The following GSDMC variants were observed in gnomAD, a reference collection of about 807,000 sequenced individuals.
GSDMC encodes the protein gasdermin C.
Under a neutral mutation model 58.0 loss-of-function variants are expected in GSDMC, and 59 were observed. The ratio of observed to expected loss-of-function variants is 1.02; its 90% confidence interval spans 0.82 to 1.26. GSDMC has a LOEUF of 1.26. Among genes scored for constraint, GSDMC ranks in the 50% most tolerant of loss-of-function variants. The pLI is 0.00. For synonymous variants in GSDMC, 241 were observed against 220.2 expected, an observed-to-expected ratio of 1.09 and a Z score of -0.83; for missense variants, 659 against 598.5, an observed-to-expected ratio of 1.10 and a Z score of -1.06.
In GSDMC at chr8:129,752,098, C is replaced by T; in HGVS notation, c.886+8G>A. ...TGTCCTGGAAGGGGAGGGCCAGATT[C>T]CACTCACTTGGCAAATGCCCGCTCA... On this transcript the variant is annotated splice_region_variant and intron_variant, in intron 8 of 13. Coordinates refer to ENST00000276708, the MANE Select transcript of GSDMC (RefSeq NM_031415.3). 2 of 1,610,990 alleles carry T rather than the reference C, an allele frequency of 1.2e-6. No homozygotes were observed. Among genetic ancestry groups the T allele is most frequent in the Non-Finnish European group, 1.7e-6 (2 of 1,177,180 alleles).
intron 1 of GSDMC, among the ~76,000 whole-genome samples, chr8:129,778,845 C>T (rs1313031922): frequency 1.3e-5 from 2 of 149,628 alleles, no homozygotes; most frequent in Non-Finnish European, 3.0e-5. Context: ...GGCCAACAAT[C>T]GTATAAAAAA....
Position 129,750,552 on chromosome 8 carries a change from T to C in GSDMC, c.962A>G (p.Glu321Gly). 1.2e-6 allele frequency: 2 copies of C among 1,614,026 alleles called. No individual in the cohort carries two copies. The highest frequency in any genetic ancestry group is 1.7e-6 in the Non-Finnish European group (2 of 1,179,926). ...PFWQNFKHLQ[E>G]EVFQKIKTLA... ...TGTCTTTATTTTCTGGAAAACCTCC[T>C]CTTGTAGATGCTTGAAATCTGCTCT... is the stretch of plus-strand genomic sequence containing the variant. Residue 321 changes from glutamate (E) to glycine (G), a missense_variant, in exon 11 of 14, where the codon GAG (glutamate) becomes GGG (glycine). By Grantham distance (98) the Glu-to-Gly change is moderately conservative. Coordinates refer to ENST00000276708, the MANE Select transcript of GSDMC (RefSeq NM_031415.3).
chr8:129,709,758 A>G, the GSDMC span, among the ~76,000 whole-genome samples: 1 of 152,068 alleles, frequency 6.6e-6, no homozygotes, highest in Non-Finnish European at 1.5e-5. Flanking sequence ...CTCCATCATT[A>G]CTTTCCAACC....
intron 10 of GSDMC, 30 bp downstream of exon 10, chr8:129,751,512 G>A: frequency 6.3e-7 from 1 of 1,594,498 alleles, no homozygotes; most frequent in Non-Finnish European, 8.6e-7. Flanking sequence ...CCACCCAGAA[G>A]CCCCAGGTTC....
chr8:129,782,993 A>G (rs1159959406), intron 1 of GSDMC, among the ~76,000 whole-genome samples: 1 of 152,162 alleles, frequency 6.6e-6, no homozygotes, highest in African/African-American at 2.4e-5. Context: ...ACAATACATT[A>G]AAAATATCAT....
At chr8:129,768,946 C>T (rs764491357) in intron 3 of GSDMC, among the ~76,000 whole-genome samples, 1 of 152,122 alleles carries the variant, frequency 6.6e-6, no homozygotes, top group Non-Finnish European at 1.5e-5. Context: ...AGGTTGGTGG[C>T]ACACACCTGT....
intron 5 of GSDMC, among the ~76,000 whole-genome samples, chr8:129,761,110 A>G (rs2033642649): frequency 6.6e-6 from 1 of 152,210 alleles, no homozygotes; most frequent in Non-Finnish European, 1.5e-5. Context: ...TCATGTTCTG[A>G]CTACTAGCGG....
intron 1 of GSDMC, 47 bp from the exon 2 acceptor site, chr8:129,777,638 G>A: frequency 1.1e-6 from 1 of 952,366 alleles, no homozygotes; most frequent in East Asian, 2.4e-5. Flanking sequence ...GGAAGAAAAT[G>A]GTTAAACTCT....
At chr8:129,777,111 AT>A (rs1171206746) in intron 2 of GSDMC, among the ~76,000 whole-genome samples, 3 of 152,102 alleles carry the variant, frequency 2.0e-5, no homozygotes, top group Non-Finnish European at 4.4e-5. Flanking sequence ...ATAACCTTCT[AT>A]TTACTCTTAT....
chr8:129,745,569 C>T (rs1281693504), downstream of GSDMC, among the ~76,000 whole-genome samples: 1 of 152,098 alleles, frequency 6.6e-6, no homozygotes, highest in African/African-American at 2.4e-5. Flanking sequence ...TTGTTACTTT[C>T]TAATATACTA....
Position 129,751,877 on chromosome 8 carries a change from G to A in GSDMC, c.901C>T (p.His301Tyr), listed in dbSNP as rs772705468. 6.2e-7 allele frequency: 1 copy of A among 1,601,628 alleles called. No individual in the cohort carries two copies. Among genetic ancestry groups the A allele is most frequent in the South Asian group, 1.1e-5 (1 of 90,824 alleles). ...TCACACTCACCTACTGGGAGGATGT[G>A]AACTTGTTCGTATTCTAAAAAAAGA... ...SGHLPKYEQVHILPVGRIEEP... is the reference protein window; with the variant it reads ...SGHLPKYEQVYILPVGRIEEP... Residue 301 changes from histidine (H) to tyrosine (Y), a missense_variant, in exon 9 of 14, where the codon CAC (histidine) becomes TAC (tyrosine). Coordinates refer to ENST00000276708, the MANE Select transcript of GSDMC (RefSeq NM_031415.3).
chr8:129,776,316 G>A (rs2034226336), intron 2 of GSDMC, 31 bp from the exon 3 acceptor site: 1 of 1,522,180 alleles, frequency 6.6e-7, no homozygotes, highest in East Asian at 2.3e-5. Context: ...CATAGGTTTA[G>A]CCAAGAATTC....
chr8:129,769,195 G>A (rs565164876), intron 3 of GSDMC, among the ~76,000 whole-genome samples: 15 of 152,132 alleles, frequency 9.9e-5, no homozygotes, highest in South Asian at 2.1e-4. Flanking sequence ...CAAATAGGTC[G>A]AACCCAAAAG....
chr8:129,785,142 C>T (rs528622593), intron 1 of GSDMC, among the ~76,000 whole-genome samples: 23 of 152,044 alleles, frequency 1.5e-4, no homozygotes, highest in African/African-American at 2.2e-4. Flanking sequence ...ACCCAGGAGG[C>T]GGAGGTTGCA....
At chr8:129,775,500 T>A (rs1489718555) in intron 3 of GSDMC, among the ~76,000 whole-genome samples, 1 of 151,908 alleles carries the variant, frequency 6.6e-6, no homozygotes, top group Non-Finnish European at 1.5e-5. Context: ...AGAGTAGATA[T>A]TAAACGTTCT....
chr8:129,773,730 G>A (rs981177503), intron 3 of GSDMC, among the ~76,000 whole-genome samples: 1 of 149,140 alleles, frequency 6.7e-6, no homozygotes. Flanking sequence ...AGGTTGCAGT[G>A]AGCCGAGATC....
the GSDMC span, among the ~76,000 whole-genome samples, chr8:129,713,779 G>A: frequency 0.2 from 29,833 of 151,948 alleles, 3,389 homozygotes; most frequent in Non-Finnish European, 0.25. Flanking sequence ...AGGAGTGAGC[G>A]GCCAGGCACA....
At chr8:129,774,515 A>G (rs1272107947) in intron 3 of GSDMC, among the ~76,000 whole-genome samples, 1 of 151,042 alleles carries the variant, frequency 6.6e-6, no homozygotes, top group Non-Finnish European at 1.5e-5. Flanking sequence ...TATGACACCA[A>G]AAGCAACAGC....
At chr8:129,720,589 C>T in the GSDMC span, among the ~76,000 whole-genome samples, 1 of 152,134 alleles carries the variant, frequency 6.6e-6, no homozygotes, top group Non-Finnish European at 1.5e-5. Context: ...ATTACATGTT[C>T]ATGCACCTGT....
Sources: allele counts gnomAD v4.1 joint callset (sites outside exome capture counted in the v4.1 genomes callset), GRCh38; gene constraint gnomAD v4.1.1; transcripts MANE v1.5; gene names NCBI Gene and HGNC (gene_info 2026-07-23, HGNC 2026-07-21).